Variants in IGF1R observed in about 807,000 individuals in gnomAD.
The protein encoded by IGF1R is insulin like growth factor 1 receptor, also known as insulin-like growth factor 1 receptor.
IGF1R carries 44 observed loss-of-function variants against 144.6 expected under a neutral mutation model. The observed-to-expected ratio is 0.30, with a 90% confidence interval of 0.24 to 0.39. The LOEUF (loss-of-function observed/expected upper bound fraction) is 0.39. IGF1R is among the 10% of genes least tolerant of loss of function. The pLI, the probability that IGF1R is intolerant of heterozygous loss-of-function variation, is 1.00. For synonymous variants in IGF1R, 795 were observed against 722.8 expected, an observed-to-expected ratio of 1.10 and a Z score of -1.60; for missense variants, 1,355 against 1,833.7, an observed-to-expected ratio of 0.74 and a Z score of 4.77.
chr15:98,901,612 AAG>A (rs2014485823), intron 5 of IGF1R, among the ~76,000 whole-genome samples: 1 of 152,236 alleles, frequency 6.6e-6, no homozygotes, highest in Non-Finnish European at 1.5e-5. Context: ...CAGAGCGAGA[AAG>A]AGAAGGACAG....
At chr15:98,939,952 C>T (rs57702763) in intron 18 of IGF1R, among the ~76,000 whole-genome samples, 18,177 of 152,194 alleles carry the variant, frequency 0.12, 1,457 homozygotes, top group East Asian at 0.35. Flanking sequence ...CACTTACTGT[C>T]CTGCTCTTAG....
At chr15:98,867,900 T>C (rs2012539399) in intron 2 of IGF1R, among the ~76,000 whole-genome samples, 1 of 152,160 alleles carries the variant, frequency 6.6e-6, no homozygotes, top group Non-Finnish European at 1.5e-5. Context: ...GTTTCCACTT[T>C]TTAAAATAGC....
At position 98,911,317 on chromosome 15, in the gene IGF1R, G is replaced by A. The variant is rs2151674138; in HGVS notation, c.1465G>A (p.Glu489Lys). Residue 489 changes from glutamate (E) to lysine (K), a missense_variant and splice_region_variant, in exon 7 of 21, where the codon GAA (glutamate) becomes AAA (lysine). Physicochemically the swap from Glu to Lys is moderately conservative, Grantham distance 56. This residue lies in a region of IGF1R where 880 missense variants were observed against 1,202.7 expected (regional missense o/e 0.73). Transcript: ENST00000650285. ...CACGGATGTACTCTTTGCCCCAGGT[G>A]AAAGTGACGTCCTGCATTTCACCTC... ...TRNNGERASC[E>K]SDVLHFTSTT... 6.2e-7 allele frequency: 1 copy of A among 1,614,166 alleles called. No individual in the cohort carries two copies.
At chr15:98,722,454 G>T (rs2054267871) in intron 2 of IGF1R, among the ~76,000 whole-genome samples, 1 of 152,226 alleles carries the variant, frequency 6.6e-6, no homozygotes, top group Non-Finnish European at 1.5e-5. Flanking sequence ...ACTTTGCCAG[G>T]CATTTGGAAT....
intron 1 of IGF1R, among the ~76,000 whole-genome samples, chr15:98,652,627 A>G (rs1379751923): frequency 1.3e-5 from 2 of 152,264 alleles, no homozygotes; most frequent in African/African-American, 4.8e-5. Flanking sequence ...TGAAGCTTAA[A>G]AATATCACAA....
chr15:98,911,985 T>C (rs2015043252), intron 7 of IGF1R, among the ~76,000 whole-genome samples: 1 of 152,208 alleles, frequency 6.6e-6, no homozygotes, highest in South Asian at 2.1e-4. Context: ...CTTGAGCCTT[T>C]TGTGACTTCT....
intron 1 of IGF1R, among the ~76,000 whole-genome samples, chr15:98,664,521 C>A (rs1055042962): frequency 2.6e-5 from 4 of 151,756 alleles, no homozygotes; most frequent in Admixed American, 2.6e-4. Flanking sequence ...AAAAATTAGC[C>A]AGGCACAGTG....
chr15:98,760,974 G>A (rs527781707), intron 2 of IGF1R, among the ~76,000 whole-genome samples: 123 of 152,344 alleles, frequency 8.1e-4, no homozygotes, highest in African/African-American at 2.9e-3. Context: ...GAACAGCTTC[G>A]TCTTGCCAAA....
chr15:98,951,963 A>C (rs2016792216), intron 20 of IGF1R, among the ~76,000 whole-genome samples: 2 of 152,194 alleles, frequency 1.3e-5, no homozygotes, highest in African/African-American at 4.8e-5. Flanking sequence ...TGAATTCCAC[A>C]TCATCCCTGT....
At chr15:98,899,680 G>A in intron 5 of IGF1R, 59 bp downstream of exon 5, 1 of 1,548,056 alleles carries the variant, frequency 6.5e-7, no homozygotes, top group East Asian at 2.2e-5. Flanking sequence ...GCGTGCTTAT[G>A]AAACTGTGTT....
At chr15:98,725,199 C>A (rs2054329111) in intron 2 of IGF1R, among the ~76,000 whole-genome samples, 1 of 152,166 alleles carries the variant, frequency 6.6e-6, no homozygotes, top group East Asian at 1.9e-4. Flanking sequence ...CAAGTGGTGC[C>A]AACCTAAAGG....
At chr15:98,708,174 C>A (rs1308774943) in intron 2 of IGF1R, 67 bp downstream of exon 2, 2 of 1,381,980 alleles carry the variant, frequency 1.4e-6, no homozygotes, top group Non-Finnish European at 2.0e-6. Context: ...CTTGACCTCC[C>A]TTCTCTTCTG....
intron 2 of IGF1R, among the ~76,000 whole-genome samples, chr15:98,801,821 C>T (rs2056370130): frequency 6.6e-6 from 1 of 152,206 alleles, no homozygotes; most frequent in African/African-American, 2.4e-5. Context: ...CAGGATGACT[C>T]CCAGCCCCCA....
In IGF1R at chr15:98,961,600, G is replaced by A; in HGVS notation, c.*4158G>A. The stretch of plus-strand genomic sequence containing the variant: ...GGCATTTTCCATGCAACCTCCTTCT[G>A]CCAGCAGCTCACACTGCTTGAAGTC... On this transcript the variant is annotated 3_prime_UTR_variant, in exon 21 of 21. Transcript: ENST00000650285. 2 of 233,660 alleles carry A rather than the reference G, an allele frequency of 8.6e-6. No homozygotes were observed. The highest frequency in any genetic ancestry group is 1.7e-5 in the Non-Finnish European group (2 of 118,038). 14.5% of individuals were successfully genotyped at this position (233,660 alleles called of 1,614,324 possible). A position where few individuals can be genotyped will look rare whatever the true frequency, so the allele number is the denominator to read the frequency against.
In IGF1R at chr15:98,821,512, C is replaced by G. The variant is rs112002630; in HGVS notation, c.641-69813C>G. ...TTCGTAAGCATTTTTGGAAGAGAGT[C>G]GAAGGGGAAGGGGTGGCTTGCCAGT... On this transcript the variant is annotated intron_variant, in intron 2 of 20. Transcript: ENST00000650285. Among the ~76,000 whole-genome samples, 387 of 151,734 alleles carry G rather than the reference C, an allele frequency of 2.6e-3. 6 individuals carry two copies. Among genetic ancestry groups the G allele is most frequent in the African/African-American group, 8.9e-3 (366 of 41,072 alleles).
chr15:98,717,027 G>A (rs181843181), intron 2 of IGF1R, among the ~76,000 whole-genome samples: 1 of 152,320 alleles, frequency 6.6e-6, no homozygotes, highest in Non-Finnish European at 1.5e-5. Flanking sequence ...CGGATGTACA[G>A]CTTTCCCCTG....
chr15:98,903,619 C>T (rs2014587317), intron 5 of IGF1R, among the ~76,000 whole-genome samples: 1 of 152,144 alleles, frequency 6.6e-6, no homozygotes, highest in Admixed American at 6.5e-5. Context: ...TCCCGGGATT[C>T]CCCCGACCCC....
At position 98,925,215 on chromosome 15, in the gene IGF1R, T is replaced by G. The variant is rs369967670; in HGVS notation, c.2782+531T>G. On this transcript the variant is annotated intron_variant, in intron 13 of 20. Transcript: ENST00000650285. The stretch of plus-strand genomic sequence containing the variant: ...TGTCCTTTTAAAGTCCCCACATGCA[T>G]TGGAAATGTACGGTGCTCACCCTTT... 1.3e-4 allele frequency among the ~76,000 whole-genome samples: 20 copies of G among 152,136 alleles called. 1 individual carries two copies. The highest frequency in any genetic ancestry group is 4.6e-4 in the African/African-American group (19 of 41,496).
chr15:98,728,723 C>G (rs1015385534), intron 2 of IGF1R, among the ~76,000 whole-genome samples: 12 of 152,248 alleles, frequency 7.9e-5, no homozygotes, highest in African/African-American at 2.4e-4. Context: ...TCTGCACTCT[C>G]CCGAGGCCAG....
Sources: gnomAD v4.1 joint callset for allele counts (sites outside exome capture counted in the v4.1 genomes callset) on GRCh38, gnomAD v4.1.1 for gene constraint, gnomAD v4.1.1 regional missense constraint, MANE v1.5 for transcripts, NCBI Gene and HGNC (gene_info 2026-07-23, HGNC 2026-07-21) for gene names.